The following BICRAL variants were observed in gnomAD, a reference collection of about 807,000 sequenced individuals.
BICRAL encodes BICRA like chromatin remodeling complex associated protein.
A neutral mutation model predicts 91.8 loss-of-function variants in BICRAL; 8 were observed. The ratio of observed to expected loss-of-function variants is 0.09; its 90% CI spans 0.05 to 0.16. The LOEUF is 0.16. Ranked by LOEUF, BICRAL falls within the 10% of genes least tolerant of loss-of-function variation. BICRAL has a pLI of 1.00. For missense variants in BICRAL, 1,038 were observed against 1,310.9 expected, an observed-to-expected ratio of 0.79 and a Z score of 3.21; for synonymous variants, 445 against 491.1, an observed-to-expected ratio of 0.91 and a Z score of 1.24.
chr6:42,839,478 A>G (rs1764726876), intron 6 of BICRAL, among the ~76,000 whole-genome samples: 1 of 151,698 alleles, frequency 6.6e-6, no homozygotes, highest in Middle Eastern at 3.2e-3. Context: ...AGAACTTTTT[A>G]TTATGAGGAA....
chr6:42,839,129 G>A (rs771873237), intron 6 of BICRAL, among the ~76,000 whole-genome samples: 5 of 152,090 alleles, frequency 3.3e-5, no homozygotes, highest in Admixed American at 6.6e-5. Context: ...GAACTTGGGA[G>A]GCGGAGGTTA....
At chr6:42,855,378 A>C (rs1765317776) in intron 8 of BICRAL, among the ~76,000 whole-genome samples, 1 of 152,124 alleles carries the variant, frequency 6.6e-6, no homozygotes, top group African/African-American at 2.4e-5. Flanking sequence ...CCGTCTCTAC[A>C]AAAAATACCA....
At position 42,829,182 on chromosome 6, in the gene BICRAL, C is replaced by T. The variant is rs1361114171; in HGVS notation, c.849C>T (p.Asn283=). ...PVAQPVTVPF[N]STNFQTSLPV... Reference sequence around the variant, plus strand: ...CACAGCCTGTTACCGTTCCATTTAACAGCACAAATTTTCAAACATCTTTAC... The same window carrying T: ...CACAGCCTGTTACCGTTCCATTTAATAGCACAAATTTTCAAACATCTTTAC... Residue 283 remains asparagine, a synonymous_variant, in exon 6 of 13, where the codon AAC becomes AAT. Transcript: ENST00000314073. 5 of 1,614,136 alleles carry T rather than the reference C, an allele frequency of 3.1e-6. No homozygotes were observed. Among genetic ancestry groups the T allele is most frequent in the African/African-American group, 1.3e-5 (1 of 75,036 alleles).
At chr6:42,853,217 T>A (rs915447800) in intron 7 of BICRAL, among the ~76,000 whole-genome samples, 1 of 151,944 alleles carries the variant, frequency 6.6e-6, no homozygotes, top group African/African-American at 2.4e-5. Context: ...TTTGAACATC[T>A]GCAGTACCCA....
intron 6 of BICRAL, among the ~76,000 whole-genome samples, chr6:42,839,587 C>T (rs940609477): frequency 9.2e-5 from 14 of 152,262 alleles, no homozygotes; most frequent in South Asian, 6.2e-4. Flanking sequence ...TCCACATCCC[C>T]ACCCCCTTTG....
In BICRAL at chr6:42,818,605, C is replaced by T. The variant is rs563468463; in HGVS notation, c.-5-3413C>T. Among the ~76,000 whole-genome samples, 5 of 151,638 alleles carry T rather than the reference C, an allele frequency of 3.3e-5. No homozygotes were observed. The East Asian group carries it at 9.7e-4, about 29-fold the overall frequency. ...CGTTGACTTTGTCAGTCTTTTATGA[C>T]TTGTGTGTCTTATGACATCCTTAGA... On this transcript the variant is annotated intron_variant, in intron 2 of 12. Transcript: ENST00000314073.
chr6:42,829,410 G>T lies in BICRAL; in HGVS notation c.1077G>T (p.Met359Ile). 2 of 1,614,186 alleles carry T rather than the reference G, an allele frequency of 1.2e-6. No homozygotes were observed. Among genetic ancestry groups the T allele is most frequent in the South Asian group, 2.2e-5 (2 of 91,084 alleles). The change falls in exon 6 of 13, where the codon ATG becomes ATT. Residue 359 changes from methionine to isoleucine, a missense_variant. By Grantham distance (10) the Met-to-Ile change is conservative (BLOSUM62 1). Transcript: ENST00000314073. Reference sequence around the variant, plus strand: ...AGGGCTCAGTAGTTGGTCCACACATGTCTGTGAACATTGTAAACCAACAGA... The same window carrying T: ...AGGGCTCAGTAGTTGGTCCACACATTTCTGTGAACATTGTAAACCAACAGA... ...SPQGSVVGPH[M>I]SVNIVNQQNT...
At chr6:42,754,088 C>T (rs1762422463) in intron 1 of BICRAL, among the ~76,000 whole-genome samples, 1 of 151,366 alleles carries the variant, frequency 6.6e-6, no homozygotes, top group Admixed American at 6.6e-5. Context: ...CACTACACTT[C>T]ATGGGAAGGC....
chr6:42,852,227 C>T, intron 7 of BICRAL, 30 bp downstream of exon 7: 1 of 1,250,822 alleles, frequency 8.0e-7, no homozygotes, highest in Non-Finnish European at 1.2e-6. Flanking sequence ...TGTCCCTGTC[C>T]TCCCAACACC....
chr6:42,781,184 G>A (rs1281766803), upstream of BICRAL, among the ~76,000 whole-genome samples: 2 of 152,092 alleles, frequency 1.3e-5, no homozygotes, highest in South Asian at 2.1e-4. Flanking sequence ...GAATGAGGGG[G>A]TTATGTAATG....
chr6:42,843,361 T>C (rs1422855182), intron 6 of BICRAL, among the ~76,000 whole-genome samples: 2 of 151,838 alleles, frequency 1.3e-5, no homozygotes, highest in Non-Finnish European at 2.9e-5. Flanking sequence ...CATGGTGCTG[T>C]GGGGAAAGGA....
intron 1 of BICRAL, among the ~76,000 whole-genome samples, chr6:42,786,085 ACCTTACTAAAATGAG>A (rs1234907986): frequency 6.6e-6 from 1 of 152,216 alleles, no homozygotes; most frequent in East Asian, 1.9e-4. Flanking sequence ...TGAATAGATG[ACCTTACTAAAATGAG>A]AAAGAACCAA....
intron 1 of BICRAL, among the ~76,000 whole-genome samples, chr6:42,751,978 T>C (rs1762388048): frequency 6.6e-6 from 1 of 152,170 alleles, no homozygotes; most frequent in African/African-American, 2.4e-5. Flanking sequence ...TCTAGTAGTT[T>C]GATGCCAGAA....
intron 9 of BICRAL, 66 bp downstream of exon 9, chr6:42,855,983 A>G: frequency 4.0e-6 from 5 of 1,238,914 alleles, no homozygotes; most frequent in Non-Finnish European, 6.0e-6. Flanking sequence ...CCTTCAATAA[A>G]TATACCACAG....
At chr6:42,824,102 G>A (rs112354450) in intron 5 of BICRAL, among the ~76,000 whole-genome samples, 9 of 151,682 alleles carry the variant, frequency 5.9e-5, no homozygotes, top group East Asian at 1.9e-4. Context: ...GTGGTGGCGC[G>A]TGCCTGTAAT....
At chr6:42,754,337 A>G (rs1324221840) in intron 1 of BICRAL, among the ~76,000 whole-genome samples, 1 of 151,646 alleles carries the variant, frequency 6.6e-6, no homozygotes, top group African/African-American at 2.4e-5. Flanking sequence ...ACGCCTGGCT[A>G]ATTTTTTTGT....
chr6:42,819,609 G>A (rs1251346331), intron 2 of BICRAL, among the ~76,000 whole-genome samples: 1 of 152,114 alleles, frequency 6.6e-6, no homozygotes, highest in African/African-American at 2.4e-5. Context: ...TAAAATCATA[G>A]ACAATTTTAC....
chr6:42,848,381 C>T (rs189139060), intron 6 of BICRAL, among the ~76,000 whole-genome samples: 56 of 152,158 alleles, frequency 3.7e-4, no homozygotes, highest in African/African-American at 1.3e-3. Flanking sequence ...CACCACTGCA[C>T]TCCAGCCTCA....
intron 6 of BICRAL, among the ~76,000 whole-genome samples, chr6:42,840,528 A>G (rs1316815154): frequency 1.4e-5 from 2 of 146,244 alleles, no homozygotes; most frequent in East Asian, 4.3e-4. Context: ...GGCATGAGCC[A>G]CCGCACCCTG....
Sources: gnomAD v4.1 joint callset for allele counts (sites outside exome capture counted in the v4.1 genomes callset) on GRCh38, gnomAD v4.1.1 for gene constraint, MANE v1.5 for transcripts, NCBI Gene and HGNC (gene_info 2026-07-23, HGNC 2026-07-21) for gene names.